The following NCAM1 variants were observed in gnomAD, a reference collection of about 807,000 sequenced individuals.
NCAM1 encodes the protein neural cell adhesion molecule 1, also known as antigen recognized by monoclonal antibody 5.1H11.
Under a neutral mutation model 109.8 loss-of-function variants are expected in NCAM1, and 14 were observed. That is an observed-to-expected ratio of 0.13 (90% CI 0.08 to 0.20). The LOEUF (loss-of-function observed/expected upper bound fraction) is 0.20, where lower values mean the gene tolerates loss of function less well. Among genes scored for constraint, NCAM1 ranks in the 10% least tolerant of loss-of-function variants. The pLI, the probability that NCAM1 is intolerant of heterozygous loss-of-function variation, is 1.00. For synonymous variants in NCAM1, 418 were observed against 442.9 expected (o/e 0.94, Z 0.70); for missense variants, 774 against 1,109.9 (o/e 0.70, Z 4.30).
chr11:113,131,908 G>A (rs182211581), intron 1 of NCAM1, among the ~76,000 whole-genome samples: 1 of 152,344 alleles, frequency 6.6e-6, no homozygotes, highest in Non-Finnish European at 1.5e-5. Context: ...GTAAAGGGAA[G>A]TAGGTTTGGA....
chr11:113,032,873 G>A (rs7945073), intron 1 of NCAM1, among the ~76,000 whole-genome samples: 68,607 of 152,066 alleles, frequency 0.45, 16,354 homozygotes, highest in East Asian at 0.8. Flanking sequence ...TTCCAAAATT[G>A]AAAGAGTTTT....
intron 1 of NCAM1, among the ~76,000 whole-genome samples, chr11:113,048,612 A>G (rs145819659): frequency 1.1e-3 from 174 of 152,328 alleles, no homozygotes; most frequent in African/African-American, 3.9e-3. Context: ...TTGCAAAATG[A>G]GTAAAGGACT....
chr11:113,195,509 T>C, intron 1 of NCAM1, among the ~76,000 whole-genome samples: 1 of 146,208 alleles, frequency 6.8e-6, no homozygotes, highest in African/African-American at 2.6e-5. Flanking sequence ...TTTTTTTTTT[T>C]TTTTTTTTTT....
chr11:113,163,825 G>A (rs570943932), intron 1 of NCAM1, among the ~76,000 whole-genome samples: 24 of 152,232 alleles, frequency 1.6e-4, no homozygotes, highest in African/African-American at 2.6e-4. Flanking sequence ...TGCGGGTGCC[G>A]GGCTGTGCAA....
At position 113,173,591 on chromosome 11, in the gene NCAM1, G is replaced by GATATATATAT. The variant is rs5794851; in HGVS notation, c.53-28761_53-28752dup. On this transcript the variant is annotated intron_variant, in intron 1 of 19. Transcript: ENST00000316851. The stretch of plus-strand genomic sequence containing the variant: ...TATGACTAATATTAGCATGTTACCT[G>GATATATATAT]ATATATATATATATATATATATATA... Among the ~76,000 whole-genome samples, 213 of 126,648 alleles carry GATATATATAT rather than the reference G, an allele frequency of 1.7e-3. 1 individual carries two copies. Among genetic ancestry groups the GATATATATAT allele is most frequent in the Non-Finnish European group, 2.2e-3 (134 of 59,822 alleles). 83.1% of individuals were successfully genotyped at this position (126,648 alleles called of 152,430 possible). A position where few individuals can be genotyped will look rare whatever the true frequency, so the allele number is the denominator to read the frequency against.
chr11:113,170,790 G>T (rs1462094452), intron 1 of NCAM1, among the ~76,000 whole-genome samples: 1 of 152,200 alleles, frequency 6.6e-6, no homozygotes, highest in Non-Finnish European at 1.5e-5. Context: ...TGGGAGTCAT[G>T]AATTAGAATT....
intron 15 of NCAM1, among the ~76,000 whole-genome samples, chr11:113,251,458 C>T (rs917688001): frequency 6.6e-6 from 1 of 152,168 alleles, no homozygotes; most frequent in Non-Finnish European, 1.5e-5. Context: ...TAGGACCTGC[C>T]TATGATATAT....
chr11:113,067,934 G>A (rs983570919), intron 1 of NCAM1, among the ~76,000 whole-genome samples: 6 of 134,342 alleles, frequency 4.5e-5, no homozygotes, highest in South Asian at 2.3e-4. Context: ...TTTTTGAGAC[G>A]GAGTCTCGCT....
chr11:113,159,080 T>C (rs887957336), intron 1 of NCAM1, among the ~76,000 whole-genome samples: 1 of 152,216 alleles, frequency 6.6e-6, no homozygotes, highest in Non-Finnish European at 1.5e-5. Context: ...TAGACCTTTA[T>C]AGAGTAGTGA....
intron 15 of NCAM1, among the ~76,000 whole-genome samples, chr11:113,247,532 G>A (rs561917179): frequency 1.3e-4 from 20 of 152,048 alleles, no homozygotes; most frequent in Non-Finnish European, 2.4e-4. Context: ...CTTCCCTCTC[G>A]TTCACCCTCC....
intron 11 of NCAM1, 65 bp downstream of exon 11, chr11:113,232,419 A>G: frequency 6.8e-7 from 1 of 1,475,526 alleles, no homozygotes; most frequent in Non-Finnish European, 9.2e-7. Flanking sequence ...GGGCTCCAAA[A>G]TGCAGCTCAA....
At chr11:112,973,222 T>C (rs575165068) in intron 1 of NCAM1, among the ~76,000 whole-genome samples, 1 of 152,246 alleles carries the variant, frequency 6.6e-6, no homozygotes, top group African/African-American at 2.4e-5. Flanking sequence ...ACAGGAGTGA[T>C]TGATTACTTT....
chr11:113,163,707 A>G (rs1276463060), intron 1 of NCAM1, among the ~76,000 whole-genome samples: 1 of 152,098 alleles, frequency 6.6e-6, no homozygotes, highest in East Asian at 1.9e-4. Context: ...GAACATCTAG[A>G]ATGGAGTTAA....
chr11:113,178,046 CTG>C (rs1298157112), intron 1 of NCAM1, among the ~76,000 whole-genome samples: 4 of 152,278 alleles, frequency 2.6e-5, no homozygotes, highest in African/African-American at 4.8e-5. Context: ...TCCTTAAAGA[CTG>C]TGTGGGATTT....
intron 1 of NCAM1, among the ~76,000 whole-genome samples, chr11:113,057,248 G>A (rs1351226401): frequency 6.6e-6 from 1 of 152,116 alleles, no homozygotes; most frequent in Non-Finnish European, 1.5e-5. Flanking sequence ...GTGAGAGGAT[G>A]CAGAAGTGAG....
Position 113,232,251 on chromosome 11 carries a change from A to G in NCAM1, c.1322A>G (p.Tyr441Cys). ...QVNITCEVFA[Y>C]PSATISWFRD... Reference sequence around the variant, plus strand: ...AACATCACCTGCGAGGTATTTGCCTATCCCAGTGCCACGATCTCATGGTTT... The same window carrying G: ...AACATCACCTGCGAGGTATTTGCCTGTCCCAGTGCCACGATCTCATGGTTT... Residue 441 changes from tyrosine (Y) to cysteine (C), a missense_variant, in exon 11 of 20, where the codon TAT becomes TGT. By Grantham distance (194) the Tyr-to-Cys change is radical (BLOSUM62 -2). This residue lies in a region of NCAM1 where 523 missense variants were observed against 784.2 expected (regional missense o/e 0.67). Transcript: ENST00000316851. 1 of 1,613,928 alleles carries G rather than the reference A, an allele frequency of 6.2e-7. No individual in the cohort carries two copies. The highest frequency in any genetic ancestry group is 8.5e-7 in the Non-Finnish European group (1 of 1,179,854).
At chr11:113,120,802 T>A (rs1940923046) in intron 1 of NCAM1, among the ~76,000 whole-genome samples, 1 of 152,214 alleles carries the variant, frequency 6.6e-6, no homozygotes, top group African/African-American at 2.4e-5. Context: ...AGAGGGTTGA[T>A]ACTTAAATCC....
chr11:113,074,755 C>G (rs1938451198), intron 1 of NCAM1, among the ~76,000 whole-genome samples: 1 of 152,138 alleles, frequency 6.6e-6, no homozygotes, highest in Non-Finnish European at 1.5e-5. Context: ...CCTCAGCCCC[C>G]CAAATAGCTG....
At chr11:113,026,588 T>C (rs1555077380) in intron 1 of NCAM1, among the ~76,000 whole-genome samples, 2 of 152,164 alleles carry the variant, frequency 1.3e-5, no homozygotes, top group African/African-American at 4.8e-5. Context: ...GTTTAAACAG[T>C]GGCGACAGAA....
Sources: allele counts gnomAD v4.1 joint callset (sites outside exome capture counted in the v4.1 genomes callset), GRCh38; gene constraint gnomAD v4.1.1; regional missense constraint gnomAD v4.1.1; transcripts MANE v1.5; gene names NCBI Gene and HGNC (gene_info 2026-07-23, HGNC 2026-07-21).